PCSK6: variants seen among roughly 807,000 people sequenced by gnomAD.
PCSK6 encodes the protein paired basic amino acid cleaving enzyme 4.
PCSK6 carries 85 observed loss-of-function variants against 123.3 expected under a neutral mutation model. The observed-to-expected ratio is 0.69, with a 90% CI of 0.58 to 0.83. The LOEUF is 0.83. Among genes scored for constraint, PCSK6 ranks in the 40% least tolerant of loss-of-function variants. The pLI is 0.00. For missense variants in PCSK6, 1,191 were observed against 1,282.3 expected, an observed-to-expected ratio of 0.93 and a Z score of 1.09; for synonymous variants, 508 against 516.0, an observed-to-expected ratio of 0.98 and a Z score of 0.21.
At chr15:101,407,154 G>T (rs753392721) in intron 6 of PCSK6, among the ~76,000 whole-genome samples, 2 of 152,290 alleles carry the variant, frequency 1.3e-5, no homozygotes, top group East Asian at 3.9e-4. Flanking sequence ...CATGGTAGGG[G>T]GAAGACAGCT....
At chr15:101,465,497 G>T (rs1193891916) in intron 1 of PCSK6, among the ~76,000 whole-genome samples, 1 of 152,214 alleles carries the variant, frequency 6.6e-6, no homozygotes, top group Non-Finnish European at 1.5e-5. Flanking sequence ...AACGGCTGAG[G>T]CTCCACTCTG....
At chr15:101,359,084 C>A (rs921571353) in intron 13 of PCSK6, among the ~76,000 whole-genome samples, 2 of 152,186 alleles carry the variant, frequency 1.3e-5, no homozygotes, top group Non-Finnish European at 2.9e-5. Flanking sequence ...CGTGCGTCAG[C>A]TGTGGCAGGA....
Position 101,398,503 on chromosome 15 carries a change from G to A in PCSK6, c.897C>T (p.Ile299=), listed in dbSNP as rs762240584. ...AKSLGIRPNY[I]DIYSASWGPD... is the part of the protein sequence containing the mutation. ...GCCCCCAGCTGGCACTGTAAATGTC[G>A]ATGTAGTTGGGTCTGATGCCCAGCG... Residue 299 remains isoleucine, a synonymous_variant, in exon 7 of 22, where the codon ATC becomes ATT. Transcript: ENST00000611716. This position sits in a 1 kb window ranked among gnomAD's most constrained non-coding sequence, Gnocchi z 4.6. 5 of 1,613,964 alleles carry A rather than the reference G, an allele frequency of 3.1e-6. No individual in the cohort carries two copies. Among genetic ancestry groups the A allele is most frequent in the Admixed American group, 1.7e-5 (1 of 60,024 alleles).
chr15:101,457,666 G>A (rs143733416), intron 1 of PCSK6, among the ~76,000 whole-genome samples: 1 of 152,274 alleles, frequency 6.6e-6, no homozygotes, highest in African/African-American at 2.4e-5. Flanking sequence ...CCACCTAGAC[G>A]GAGCCATACA....
chr15:101,377,331 G>A (rs1453302087), intron 11 of PCSK6, among the ~76,000 whole-genome samples: 7 of 152,204 alleles, frequency 4.6e-5, no homozygotes, highest in Admixed American at 6.5e-5. Context: ...GTCTTCTAAC[G>A]GGTGGGCAGG....
chr15:101,457,936 T>C (rs535390669), intron 1 of PCSK6, among the ~76,000 whole-genome samples: 20 of 152,256 alleles, frequency 1.3e-4, no homozygotes, highest in Non-Finnish European at 2.4e-4. Context: ...TCATCTCTTA[T>C]GCTCACATTC....
Position 101,384,503 on chromosome 15 carries a change from C to T in PCSK6, c.1311-78G>A, listed in dbSNP as rs140573314. On this transcript the variant is annotated intron_variant, in intron 9 of 21. Transcript: ENST00000611716. ...CACAGGCCACTCAGAGGCAGGGGGT[C>T]GGCAGCCAACCCACGTCTGAACTTC... 2,670 of 1,199,498 alleles carry T rather than the reference C, an allele frequency of 2.2e-3. 36 individuals carry two copies. The African/African-American group carries it at 0.034, about 15-fold the overall frequency. 74.3% of individuals were successfully genotyped at this position (1,199,498 alleles called of 1,614,324 possible).
At chr15:101,475,141 C>A (rs2057700059) in intron 1 of PCSK6, among the ~76,000 whole-genome samples, 1 of 152,174 alleles carries the variant, frequency 6.6e-6, no homozygotes, top group African/African-American at 2.4e-5. Flanking sequence ...TGGACTCCGC[C>A]CCTATATTCC....
chr15:101,347,575 T>G, intron 13 of PCSK6: 1 of 1,439,028 alleles, frequency 6.9e-7, no homozygotes, highest in Non-Finnish European at 9.2e-7. Flanking sequence ...ATTCATGCAG[T>G]CAATCAACAA....
intron 1 of PCSK6, among the ~76,000 whole-genome samples, chr15:101,488,001 C>T (rs2058059057): frequency 6.6e-6 from 1 of 152,178 alleles, no homozygotes; most frequent in Non-Finnish European, 1.5e-5. Flanking sequence ...TGCTAGCATT[C>T]TTTCAGTAAA....
At chr15:101,402,079 T>C (rs1238416364) in intron 6 of PCSK6, among the ~76,000 whole-genome samples, 1 of 150,676 alleles carries the variant, frequency 6.6e-6, no homozygotes, top group Non-Finnish European at 1.5e-5. Flanking sequence ...GAGATATAGA[T>C]CAATGGAACA....
intron 6 of PCSK6, among the ~76,000 whole-genome samples, chr15:101,400,188 C>T (rs1454761448): frequency 2.6e-5 from 4 of 152,266 alleles, no homozygotes; most frequent in Admixed American, 1.3e-4. Context: ...CTGCACCTGG[C>T]TGGTTATTTT....
chr15:101,478,311 G>C (rs950766836), intron 1 of PCSK6, among the ~76,000 whole-genome samples: 1 of 152,146 alleles, frequency 6.6e-6, no homozygotes, highest in African/African-American at 2.4e-5. Flanking sequence ...CATAGGAGTG[G>C]CTGGCGGCAG....
intron 15 of PCSK6, among the ~76,000 whole-genome samples, chr15:101,330,078 C>T (rs528226321): frequency 6.6e-6 from 1 of 152,236 alleles, no homozygotes; most frequent in Non-Finnish European, 1.5e-5. Context: ...ACTTTGGCCA[C>T]CAGACGGCTC....
chr15:101,424,013 A>G (rs1199272079), intron 6 of PCSK6, among the ~76,000 whole-genome samples: 1 of 152,192 alleles, frequency 6.6e-6, no homozygotes, highest in Non-Finnish European at 1.5e-5. Context: ...GCTTGAGGCC[A>G]GGAGTTTGAG....
At chr15:101,454,493 G>T (rs1399597410) in intron 1 of PCSK6, among the ~76,000 whole-genome samples, 1 of 152,190 alleles carries the variant, frequency 6.6e-6, no homozygotes, top group Non-Finnish European at 1.5e-5. Flanking sequence ...GAGCCTGGAG[G>T]ACGCTGTGCT....
At chr15:101,388,057 G>A (rs111446976) in intron 9 of PCSK6, among the ~76,000 whole-genome samples, 19 of 152,316 alleles carry the variant, frequency 1.2e-4, no homozygotes, top group South Asian at 4.1e-4. Flanking sequence ...AATGCGCCCC[G>A]GAGCAGGGTT....
chr15:101,409,272 A>G (rs746094099), intron 6 of PCSK6, among the ~76,000 whole-genome samples: 5 of 151,374 alleles, frequency 3.3e-5, no homozygotes, highest in African/African-American at 4.9e-5. Context: ...CCTGGCCAAC[A>G]TGGTGAAACC....
At chr15:101,347,570 T>G in intron 13 of PCSK6, 1 of 1,433,600 alleles carries the variant, frequency 7.0e-7, no homozygotes, top group Non-Finnish European at 9.2e-7. Flanking sequence ...CACGCATTCA[T>G]GCAGTCAATC....
Sources: gnomAD v4.1 joint callset for allele counts (sites outside exome capture counted in the v4.1 genomes callset) on GRCh38, gnomAD v4.1.1 for gene constraint, Gnocchi (gnomAD v3.1) non-coding constraint, MANE v1.5 for transcripts, NCBI Gene and HGNC (gene_info 2026-07-23, HGNC 2026-07-21) for gene names.